The following SSBP3 variants were observed in gnomAD, a reference collection of about 807,000 sequenced individuals.
SSBP3 encodes single-stranded DNA-binding protein 3.
A neutral mutation model predicts 69.6 loss-of-function variants in SSBP3; 5 were observed. The observed-to-expected ratio is 0.07, with a 90% CI of 0.04 to 0.15. The LOEUF (loss-of-function observed/expected upper bound fraction) is 0.15. Among genes scored for constraint, SSBP3 ranks in the 10% least tolerant of loss-of-function variants. SSBP3 has a pLI of 1.00. For synonymous variants in SSBP3, 196 were observed against 193.4 expected, an observed-to-expected ratio of 1.01 and a Z score of -0.11; for missense variants, 312 against 534.0, an observed-to-expected ratio of 0.58 and a Z score of 4.10.
At chr1:54,362,526 G>A (rs748421876) in intron 4 of SSBP3, among the ~76,000 whole-genome samples, 1 of 152,210 alleles carries the variant, frequency 6.6e-6, no homozygotes, top group African/African-American at 2.4e-5. Context: ...TCTACTTGGT[G>A]AGTAAGGACC....
intron 5 of SSBP3, among the ~76,000 whole-genome samples, chr1:54,276,945 A>AGG (rs1557486988): frequency 4.8e-4 from 73 of 152,058 alleles, no homozygotes; most frequent in African/African-American, 1.7e-3. Flanking sequence ...AGCTTGGCAG[A>AGG]CAGGCCTCTC....
rs1253307034 is a variant in SSBP3, at chr1:54,238,452, C to T, written c.927+677G>A. The T allele has an allele frequency of 7.7e-6, 3 of 390,410 alleles. No homozygotes were observed. The Admixed American group carries it at 9.7e-5, about 13-fold the overall frequency. The allele number at this position is 390,410 out of a possible 1,614,324, so 24.2% of individuals were successfully genotyped here. A position where few individuals can be genotyped will look rare whatever the true frequency, so the allele number is the denominator to read the frequency against. On this transcript the variant is annotated intron_variant, in intron 14 of 17. Transcript: ENST00000610401. ...GAAGGAACTAGAATGGAAGGGTTGC[C>T]TGTGGAGGGGAAGCAGATCAGGCCC...
At chr1:54,371,527 G>A (rs1434885513) in intron 4 of SSBP3, among the ~76,000 whole-genome samples, 1 of 152,172 alleles carries the variant, frequency 6.6e-6, no homozygotes, top group Non-Finnish European at 1.5e-5. Context: ...GACACACCCA[G>A]TTTGGTGTTT....
intron 4 of SSBP3, among the ~76,000 whole-genome samples, chr1:54,330,484 C>G (rs1646390128): frequency 6.6e-6 from 1 of 152,174 alleles, no homozygotes; most frequent in Non-Finnish European, 1.5e-5. Context: ...GTGTAAAATT[C>G]TACTATGAAT....
chr1:54,401,086 C>A (rs938642924), intron 4 of SSBP3, among the ~76,000 whole-genome samples: 7 of 152,202 alleles, frequency 4.6e-5, no homozygotes, highest in Admixed American at 4.6e-4. Context: ...CAGATCCTAA[C>A]CCATTTCATC....
At chr1:54,246,510 AGAG>A (rs1644736891) in intron 9 of SSBP3, among the ~76,000 whole-genome samples, 2 of 151,978 alleles carry the variant, frequency 1.3e-5, no homozygotes, top group Admixed American at 6.6e-5. Context: ...GAGTGGGGTG[AGAG>A]GAGATGATAA....
chr1:54,383,879 G>C (rs1000087222), intron 4 of SSBP3, among the ~76,000 whole-genome samples: 1 of 152,112 alleles, frequency 6.6e-6, no homozygotes, highest in African/African-American at 2.4e-5. Context: ...GGCCGAGGCG[G>C]GCGGATCACG....
At chr1:54,407,383 G>T (rs1557601680), upstream of SSBP3, among the ~76,000 whole-genome samples, 1 of 151,966 alleles carries the variant, frequency 6.6e-6, no homozygotes, top group African/African-American at 2.4e-5. Context: ...GTGAGGGGAC[G>T]AGAGTCAGGC....
intron 4 of SSBP3, among the ~76,000 whole-genome samples, chr1:54,306,479 C>T (rs1645903647): frequency 6.6e-6 from 1 of 152,216 alleles, no homozygotes; most frequent in African/African-American, 2.4e-5. Context: ...TGCAGCCTCA[C>T]CTGAGGCCAT....
At chr1:54,353,521 C>A (rs1410687380) in intron 4 of SSBP3, among the ~76,000 whole-genome samples, 2 of 152,148 alleles carry the variant, frequency 1.3e-5, no homozygotes. Context: ...CTATGCTGGC[C>A]CCACCAAGTC....
rs12563754 is a variant in SSBP3, at chr1:54,243,043, C to T, written c.716+192G>A. On this transcript the variant is annotated intron_variant, in intron 10 of 17. Transcript: ENST00000610401. ...GCACGCAGCATGCCTGAACCGTGCC[C>T]GGCACACAGAGGCACTCTATGAGGC... The T allele has an allele frequency of 7.4e-4, 465 of 625,080 alleles. 3 individuals are homozygous for T. In the East Asian group the frequency reaches 8.0e-3, roughly 11 times the overall value. 38.7% of individuals were successfully genotyped at this position (625,080 alleles called of 1,614,324 possible).
chr1:54,342,223 C>G (rs1646621631), intron 4 of SSBP3, among the ~76,000 whole-genome samples: 1 of 152,278 alleles, frequency 6.6e-6, no homozygotes, highest in African/African-American at 2.4e-5. Context: ...GTGCCCTCCT[C>G]AAATGCCCTT....
intron 4 of SSBP3, among the ~76,000 whole-genome samples, chr1:54,303,789 A>G (rs1279813026): frequency 1.3e-5 from 2 of 152,244 alleles, no homozygotes; most frequent in Admixed American, 1.3e-4. Flanking sequence ...AAAATATAAA[A>G]GATGTCATTA....
chr1:54,296,566 C>A (rs1280930744), intron 4 of SSBP3, among the ~76,000 whole-genome samples: 1 of 152,174 alleles, frequency 6.6e-6, no homozygotes, highest in African/African-American at 2.4e-5. Context: ...CATACACCAG[C>A]GTCAAGGGTG....
chr1:54,300,884 C>T (rs751985295), intron 4 of SSBP3, among the ~76,000 whole-genome samples: 6 of 152,208 alleles, frequency 3.9e-5, no homozygotes, highest in Admixed American at 6.5e-5. Flanking sequence ...CACAAATCTG[C>T]GTTACCTTGA....
At chr1:54,251,516 A>G (rs1570262418) in intron 9 of SSBP3, 100 bp downstream of exon 9, 2 of 1,285,844 alleles carry the variant, frequency 1.6e-6, no homozygotes, top group East Asian at 5.0e-5. Flanking sequence ...CACCCCTGCG[A>G]ACTGAGAGAT....
intron 5 of SSBP3, among the ~76,000 whole-genome samples, chr1:54,262,881 G>A (rs986671117): frequency 3.9e-5 from 6 of 152,214 alleles, no homozygotes; most frequent in African/African-American, 1.4e-4. Flanking sequence ...GGGAAAAGGA[G>A]GCAGGAAACA....
intron 4 of SSBP3, among the ~76,000 whole-genome samples, chr1:54,379,145 A>G (rs556995016): frequency 6.6e-6 from 1 of 152,358 alleles, no homozygotes; most frequent in African/African-American, 2.4e-5. Flanking sequence ...GGAGAAAAGA[A>G]AAACCCTCAA....
chr1:54,330,377 C>T lies in SSBP3; in HGVS notation c.277-48850G>A, dbSNP rs12085830. ...GGTTCAGGGAGGAGCAAATACTGTG[C>T]CCAGGGAGTCACCTGGCCTGGCCCC... On this transcript the variant is annotated intron_variant, in intron 4 of 17. Coordinates refer to ENST00000610401, the Ensembl canonical transcript of SSBP3. Among the ~76,000 whole-genome samples, 248 of 152,220 alleles carry T rather than the reference C, an allele frequency of 1.6e-3. 1 individual carries two copies. Among genetic ancestry groups the T allele is most frequent in the African/African-American group, 5.5e-3 (227 of 41,544 alleles).
Sources: allele counts gnomAD v4.1 joint callset (sites outside exome capture counted in the v4.1 genomes callset), GRCh38; gene constraint gnomAD v4.1.1; transcripts MANE v1.5; gene names NCBI Gene and HGNC (gene_info 2026-07-23, HGNC 2026-07-21).